The following LUZP2 variants were observed in gnomAD, a reference collection of about 807,000 sequenced individuals.
LUZP2 encodes the protein leucine zipper protein 2.
Under a neutral mutation model 51.6 loss-of-function variants are expected in LUZP2, and 52 were observed. The ratio of observed to expected loss-of-function variants is 1.01; its 90% CI spans 0.81 to 1.27. The LOEUF (loss-of-function observed/expected upper bound fraction) is 1.27. Among genes scored for constraint, LUZP2 ranks in the 50% most tolerant of loss-of-function variants. LUZP2 has a pLI of 0.00. For synonymous variants in LUZP2, 154 were observed against 137.3 expected, an observed-to-expected ratio of 1.12 and a Z score of -0.85; for missense variants, 436 against 395.4, an observed-to-expected ratio of 1.10 and a Z score of -0.87.
chr11:24,831,180 A>G (rs1376854195), intron 5 of LUZP2, among the ~76,000 whole-genome samples: 39 of 152,324 alleles, frequency 2.6e-4, no homozygotes, highest in Admixed American at 2.4e-3. Flanking sequence ...TTTATTTATC[A>G]TCTCTAGCAG....
At chr11:24,711,143 G>A (rs952077403) in intron 1 of LUZP2, among the ~76,000 whole-genome samples, 3 of 152,230 alleles carry the variant, frequency 2.0e-5, no homozygotes, top group South Asian at 2.1e-4. Context: ...AATACAGAAA[G>A]CATTGCTTTA....
At chr11:24,666,416 TGAG>T (rs545863609) in intron 1 of LUZP2, among the ~76,000 whole-genome samples, 260 of 152,242 alleles carry the variant, frequency 1.7e-3, no homozygotes, top group African/African-American at 6.0e-3. Flanking sequence ...AGACAACCAT[TGAG>T]GAGAAAATTA....
chr11:24,511,567 T>C (rs1214789738), intron 1 of LUZP2, among the ~76,000 whole-genome samples: 2 of 152,066 alleles, frequency 1.3e-5, no homozygotes, highest in African/African-American at 2.4e-5. Flanking sequence ...TCATAAGTAA[T>C]AATCTTTATG....
chr11:24,567,554 G>C (rs377491532), intron 1 of LUZP2, among the ~76,000 whole-genome samples: 4 of 152,058 alleles, frequency 2.6e-5, no homozygotes, highest in East Asian at 3.9e-4. Flanking sequence ...GAAAGCCAAA[G>C]TTAAAGAGAA....
intron 7 of LUZP2, among the ~76,000 whole-genome samples, chr11:24,916,499 A>T (rs528935258): frequency 4.6e-5 from 7 of 152,000 alleles, no homozygotes; most frequent in African/African-American, 1.7e-4. Context: ...GCCACCCCAC[A>T]ACAGGCTGTG....
intron 9 of LUZP2, among the ~76,000 whole-genome samples, chr11:24,987,292 T>A (rs1047364014): frequency 6.6e-6 from 1 of 151,964 alleles, no homozygotes; most frequent in Non-Finnish European, 1.5e-5. Flanking sequence ...AGTGTTAGAA[T>A]ACATTAATTC....
intron 5 of LUZP2, among the ~76,000 whole-genome samples, chr11:24,842,625 A>G (rs559190365): frequency 6.6e-6 from 1 of 152,192 alleles, no homozygotes; most frequent in Non-Finnish European, 1.5e-5. Context: ...CTAGAAATCA[A>G]TAATATTTCT....
At chr11:24,803,951 T>C (rs1459472033) in intron 5 of LUZP2, among the ~76,000 whole-genome samples, 1 of 89,334 alleles carries the variant, frequency 1.1e-5, no homozygotes, top group Admixed American at 1.4e-4. Flanking sequence ...GAGATTAGAA[T>C]AAAGCAGTGA....
chr11:24,714,009 T>TA (rs1857942957), intron 1 of LUZP2, among the ~76,000 whole-genome samples: 1 of 151,458 alleles, frequency 6.6e-6, no homozygotes, highest in Non-Finnish European at 1.5e-5. Context: ...TCTGTCTTTT[T>TA]TAAAAAAAGA....
At chr11:24,702,226 C>G (rs1047464441) in intron 1 of LUZP2, among the ~76,000 whole-genome samples, 3 of 152,076 alleles carry the variant, frequency 2.0e-5, no homozygotes, top group Non-Finnish European at 2.9e-5. Flanking sequence ...AAATTTTAAC[C>G]AGGAAAATCA....
chr11:24,510,643 TAC>T (rs766024897), intron 1 of LUZP2, among the ~76,000 whole-genome samples: 1 of 152,210 alleles, frequency 6.6e-6, no homozygotes, highest in Non-Finnish European at 1.5e-5. Context: ...CATCAACCCT[TAC>T]TCTGTTAAAT....
chr11:24,710,212 T>C (rs1371640779), intron 1 of LUZP2, among the ~76,000 whole-genome samples: 3 of 152,112 alleles, frequency 2.0e-5, no homozygotes, highest in Non-Finnish European at 4.4e-5. Flanking sequence ...GAGGTGGTGA[T>C]TTTATTATTC....
chr11:24,999,064 A>G (rs1040951984), intron 9 of LUZP2, among the ~76,000 whole-genome samples: 2 of 152,176 alleles, frequency 1.3e-5, no homozygotes, highest in Admixed American at 1.3e-4. Flanking sequence ...AATGCAACAC[A>G]TGGTCATTGA....
At chr11:24,937,023 C>T (rs1475565934) in intron 7 of LUZP2, among the ~76,000 whole-genome samples, 2 of 149,532 alleles carry the variant, frequency 1.3e-5, no homozygotes, top group Non-Finnish European at 3.0e-5. Context: ...TCCTTTTGTT[C>T]AATCAGTGCC....
intron 1 of LUZP2, among the ~76,000 whole-genome samples, chr11:24,620,402 C>G (rs1370120299): frequency 6.6e-6 from 1 of 152,058 alleles, no homozygotes; most frequent in Non-Finnish European, 1.5e-5. Flanking sequence ...CTTTCTACTT[C>G]TGACTTTTCT....
rs376290403 is a variant in LUZP2 at position 24,501,638 on chromosome 11, A to G, written c.62+4333A>G. On this transcript the variant is annotated intron_variant, in intron 1 of 11. Coordinates refer to ENST00000336930, the MANE Select transcript of LUZP2 (RefSeq NM_001009909.4). ...TTATGGTTCCTTTTCTGAGAAATCC[A>G]AAAAGACTCTCTGAACTTGTCTTCA... is the stretch of plus-strand genomic sequence containing the variant. Among the ~76,000 whole-genome samples, 54 of 152,342 alleles carry G rather than the reference A, an allele frequency of 3.5e-4. 1 individual carries two copies. Among genetic ancestry groups the G allele is most frequent in the African/African-American group, 1.1e-3 (47 of 41,586 alleles).
intron 1 of LUZP2, among the ~76,000 whole-genome samples, chr11:24,720,046 C>T (rs915778144): frequency 4.6e-5 from 7 of 152,060 alleles, no homozygotes; most frequent in African/African-American, 1.7e-4. Context: ...ATAAAATAGA[C>T]AAATTATTAA....
chr11:24,834,990 A>G (rs896429119), intron 5 of LUZP2, among the ~76,000 whole-genome samples: 1 of 152,076 alleles, frequency 6.6e-6, no homozygotes, highest in Non-Finnish European at 1.5e-5. Flanking sequence ...GATTCTGGAT[A>G]TTAGACCCCT....
intron 9 of LUZP2, among the ~76,000 whole-genome samples, chr11:25,010,087 T>C (rs904793401): frequency 3.9e-5 from 6 of 152,342 alleles, no homozygotes; most frequent in Non-Finnish European, 8.8e-5. Flanking sequence ...ATTCCAGAAT[T>C]TCCTAGCTTA....
Sources: gnomAD v4.1 joint callset for allele counts (sites outside exome capture counted in the v4.1 genomes callset) on GRCh38, gnomAD v4.1.1 for gene constraint, MANE v1.5 for transcripts, NCBI Gene and HGNC (gene_info 2026-07-23, HGNC 2026-07-21) for gene names.